Variants in DLG2 observed in about 807,000 individuals in gnomAD.
DLG2 encodes disks large homolog 2.
Under a neutral mutation model 132.5 loss-of-function variants are expected in DLG2, and 45 were observed. The ratio of observed to expected loss-of-function variants is 0.34; its 90% CI spans 0.27 to 0.44. DLG2 has a LOEUF of 0.44. Ranked by LOEUF, DLG2 falls within the 20% of genes least tolerant of loss-of-function variation. The pLI is 1.00. For missense variants in DLG2, 1,045 were observed against 1,196.9 expected (o/e 0.87, Z 1.87); for synonymous variants, 424 against 419.6 (o/e 1.01, Z -0.13).
At chr11:85,188,482 A>G (rs1360020621) in intron 4 of DLG2, among the ~76,000 whole-genome samples, 1 of 152,212 alleles carries the variant, frequency 6.6e-6, no homozygotes, top group East Asian at 1.9e-4. Flanking sequence ...GAAACATGAA[A>G]GCGTGATCCA....
intron 18 of DLG2, among the ~76,000 whole-genome samples, chr11:83,742,835 T>C (rs1326860953): frequency 6.6e-6 from 1 of 152,202 alleles, no homozygotes; most frequent in Non-Finnish European, 1.5e-5. Context: ...AATCTACCAT[T>C]GGACCATAAA....
intron 6 of DLG2, among the ~76,000 whole-genome samples, chr11:84,596,228 A>T (rs895995479): frequency 6.9e-6 from 1 of 144,036 alleles, no homozygotes; most frequent in Non-Finnish European, 1.5e-5. Flanking sequence ...CTTTCTCTTG[A>T]CGGAGCTTTG....
At chr11:84,391,758 C>A (rs558404083) in intron 7 of DLG2, among the ~76,000 whole-genome samples, 45 of 150,958 alleles carry the variant, frequency 3.0e-4, no homozygotes, top group East Asian at 2.1e-3. Context: ...TTCCTAAAAA[C>A]CAAATTTAAA....
rs1479078971 is a variant in DLG2, at chr11:85,297,182, G to A, written c.41-11817C>T. 5.3e-5 allele frequency among the ~76,000 whole-genome samples: 8 copies of A among 152,084 alleles called. No homozygotes were observed. In the East Asian group the frequency reaches 7.8e-4, roughly 15 times the overall value. On this transcript the variant is annotated intron_variant, in intron 3 of 27. Coordinates refer to ENST00000376104, the MANE Select transcript of DLG2 (RefSeq NM_001142699.3). ...GAGTTAGCTTAAGAGAAAATATTATGCCCAAATACCAAAGTACAGATTAGA... is the reference window on the plus strand; with the variant it reads ...GAGTTAGCTTAAGAGAAAATATTATACCCAAATACCAAAGTACAGATTAGA...
intron 4 of DLG2, among the ~76,000 whole-genome samples, chr11:85,168,843 A>C (rs1467814653): frequency 6.6e-6 from 1 of 152,092 alleles, no homozygotes; most frequent in Non-Finnish European, 1.5e-5. Context: ...GTCATTGCAA[A>C]CCTTTAAAAA....
At chr11:84,610,965 A>G (rs1415161315) in intron 6 of DLG2, among the ~76,000 whole-genome samples, 4 of 151,618 alleles carry the variant, frequency 2.6e-5, no homozygotes, top group Non-Finnish European at 5.9e-5. Flanking sequence ...CTCTTACTCT[A>G]GAAAGTCTAC....
intron 18 of DLG2, among the ~76,000 whole-genome samples, chr11:83,656,627 T>C (rs2072538652): frequency 6.6e-6 from 1 of 152,212 alleles, no homozygotes; most frequent in African/African-American, 2.4e-5. Context: ...TCTTCAAGTA[T>C]ATGACCAATT....
intron 10 of DLG2, among the ~76,000 whole-genome samples, chr11:84,081,334 G>GATA (rs1188492054): frequency 6.6e-6 from 1 of 151,686 alleles, no homozygotes; most frequent in Admixed American, 6.6e-5. Context: ...GATATTGAGT[G>GATA]TTACAACCTC....
intron 6 of DLG2, among the ~76,000 whole-genome samples, chr11:84,977,667 T>C (rs1382897214): frequency 6.6e-6 from 1 of 152,170 alleles, no homozygotes; most frequent in Admixed American, 6.5e-5. Flanking sequence ...TAAAATAGCA[T>C]CAATTGTGTC....
chr11:85,350,188 C>G (rs1305706232), intron 3 of DLG2, among the ~76,000 whole-genome samples: 1 of 152,230 alleles, frequency 6.6e-6, no homozygotes, highest in African/African-American at 2.4e-5. Flanking sequence ...TTTCACATAT[C>G]TGTTGGCTAC....
intron 7 of DLG2, among the ~76,000 whole-genome samples, chr11:84,307,421 G>A (rs762217575): frequency 1.3e-5 from 2 of 152,178 alleles, no homozygotes; most frequent in Non-Finnish European, 2.9e-5. Context: ...CAGAACTGGT[G>A]TGTTCTTGGT....
chr11:84,286,682 A>G (rs1226515004), intron 7 of DLG2, among the ~76,000 whole-genome samples: 1 of 152,180 alleles, frequency 6.6e-6, no homozygotes, highest in African/African-American at 2.4e-5. Context: ...TCCCTCAAAT[A>G]AACTATTTTT....
chr11:84,362,212 T>C (rs140085698), intron 7 of DLG2, among the ~76,000 whole-genome samples: 1 of 152,102 alleles, frequency 6.6e-6, no homozygotes, highest in East Asian at 1.9e-4. Flanking sequence ...CTGATTCAAC[T>C]TGTATTTCTC....
intron 6 of DLG2, among the ~76,000 whole-genome samples, chr11:84,926,338 T>C (rs1462377529): frequency 2.0e-5 from 3 of 152,076 alleles, no homozygotes; most frequent in Non-Finnish European, 4.4e-5. Flanking sequence ...ATGTAGTGAT[T>C]CAACTTTCAG....
chr11:83,962,441 G>A (rs1486245409), intron 14 of DLG2, among the ~76,000 whole-genome samples: 1 of 151,988 alleles, frequency 6.6e-6, no homozygotes, highest in East Asian at 1.9e-4. Flanking sequence ...TTTGCCAAAT[G>A]TAATGACCAG....
At chr11:84,519,026 C>G (rs1014783846) in intron 7 of DLG2, among the ~76,000 whole-genome samples, 11 of 152,122 alleles carry the variant, frequency 7.2e-5, no homozygotes, top group African/African-American at 2.7e-4. Flanking sequence ...TTGGAGACAT[C>G]CAATTCATCA....
intron 7 of DLG2, among the ~76,000 whole-genome samples, chr11:84,413,142 C>G (rs2098915787): frequency 6.6e-6 from 1 of 152,128 alleles, no homozygotes; most frequent in Non-Finnish European, 1.5e-5. Flanking sequence ...TTCACTGGAT[C>G]TATTTCTTGC....
chr11:83,714,770 G>A lies in DLG2; in HGVS notation c.1825+71920C>T, dbSNP rs148620616. Among the ~76,000 whole-genome samples, 81 of 152,270 alleles carry A rather than the reference G, an allele frequency of 5.3e-4. No individual in the cohort carries two copies. The East Asian group carries it at 0.013, about 25-fold the overall frequency. On this transcript the variant is annotated intron_variant, in intron 18 of 27. Transcript: ENST00000376104. ...TTAAGTTCTAGGGTACATGTGCACA[G>A]CATGCAGGTTTGTTACATAGGTACA...
At chr11:84,635,199 T>C (rs1594444552) in intron 6 of DLG2, among the ~76,000 whole-genome samples, 1 of 152,340 alleles carries the variant, frequency 6.6e-6, no homozygotes, top group Admixed American at 6.5e-5. Context: ...AGCCACAGCT[T>C]GGGTGTGCCC....
Sources: allele counts gnomAD v4.1 joint callset (sites outside exome capture counted in the v4.1 genomes callset), GRCh38; gene constraint gnomAD v4.1.1; transcripts MANE v1.5; gene names NCBI Gene and HGNC (gene_info 2026-07-23, HGNC 2026-07-21).